The following SH3BP2 variants were observed in gnomAD, a reference collection of about 807,000 sequenced individuals.
The protein encoded by SH3BP2 is SH3 domain binding protein 2.
A neutral mutation model predicts 56.2 loss-of-function variants in SH3BP2; 38 were observed. The observed-to-expected ratio is 0.68, with a 90% CI of 0.52 to 0.89. The LOEUF (loss-of-function observed/expected upper bound fraction) is 0.89, where lower values mean the gene tolerates loss of function less well. Ranked by LOEUF, SH3BP2 falls within the 40% of genes least tolerant of loss-of-function variation. The probability of loss-of-function intolerance (pLI) is 0.00; values close to 1 mark genes in which losing one functional copy is unlikely to be tolerated. For missense variants in SH3BP2, 748 were observed against 762.6 expected, an observed-to-expected ratio of 0.98 and a Z score of 0.23; for synonymous variants, 346 against 316.7, an observed-to-expected ratio of 1.09 and a Z score of -0.98.
rs774063467 is a variant in SH3BP2 at position 2,831,405 on chromosome 4, C to T, written c.1242-166C>T. On this transcript the variant is annotated intron_variant, in intron 8 of 12. Coordinates refer to ENST00000503393, the MANE Select transcript of SH3BP2 (RefSeq NM_001122681.2). The surrounding 1 kb of genome is among the most constrained non-coding windows in gnomAD (Gnocchi z 4.1). ...TCCTGCTGTCCCAGGGCAGTCGGCA[C>T]GAGCCCTACCCGGATCTCTGTTGTC... 2.6e-5 allele frequency among the ~76,000 whole-genome samples: 4 copies of T among 152,186 alleles called. No individual in the cohort carries two copies. The highest frequency in any genetic ancestry group is 4.4e-5 in the Non-Finnish European group (3 of 68,028).
chr4:2,803,177 C>A (rs1322780117), intron 1 of SH3BP2, among the ~76,000 whole-genome samples: 1 of 152,216 alleles, frequency 6.6e-6, no homozygotes, highest in Non-Finnish European at 1.5e-5. Context: ...AAGGCCCACC[C>A]TGTAGGGCTT....
intron 2 of SH3BP2, 141 bp downstream of exon 2, chr4:2,820,894 A>C (rs924416956): frequency 2.1e-5 from 21 of 1,012,752 alleles, no homozygotes; most frequent in African/African-American, 3.2e-5. Flanking sequence ...GGTGGCTGGC[A>C]CCCCTGGAGA....
At chr4:2,801,320 G>A (rs758463909) in intron 1 of SH3BP2, among the ~76,000 whole-genome samples, 10 of 152,200 alleles carry the variant, frequency 6.6e-5, no homozygotes, top group Admixed American at 1.3e-4. Context: ...AGGAGCCAGC[G>A]GGCATGAGTC....
intron 1 of SH3BP2, among the ~76,000 whole-genome samples, chr4:2,808,114 C>CTT (rs1723605800): frequency 6.6e-6 from 1 of 151,384 alleles, no homozygotes; most frequent in African/African-American, 2.4e-5. Context: ...GAAATTTACT[C>CTT]TCATGATTCT....
At chr4:2,820,080 C>T (rs1273175296) in intron 1 of SH3BP2, among the ~76,000 whole-genome samples, 4 of 152,202 alleles carry the variant, frequency 2.6e-5, no homozygotes, top group African/African-American at 7.2e-5. Context: ...TGGGTGTCCA[C>T]TCTGTCCTCC....
intron 1 of SH3BP2, among the ~76,000 whole-genome samples, chr4:2,796,144 T>C (rs1402434368): frequency 6.6e-6 from 1 of 152,144 alleles, no homozygotes; most frequent in East Asian, 1.9e-4. Context: ...GACCCTCAGT[T>C]TCCTGATCTG....
In SH3BP2 at chr4:2,825,152, G is replaced by A; in HGVS notation, c.384G>A (p.Glu128=). 6.3e-7 allele frequency: 1 copy of A among 1,582,424 alleles called. No individual in the cohort carries two copies. Among genetic ancestry groups the A allele is most frequent in the African/African-American group, 1.3e-5 (1 of 74,154 alleles). Residue 128 remains glutamate (E), a synonymous_variant, in exon 5 of 13, where the codon GAG becomes GAA. Transcript: ENST00000503393. ...GCTGGATGGCCTTGCTGCGCAGGGA[G>A]ATTGGCCACTTCCACGAAAAGAAAG... The part of the protein sequence containing the change: ...RKSWMALLRR[E]IGHFHEKKDL...
Position 2,829,831 on chromosome 4 carries a change from A to G in SH3BP2, c.925A>G (p.Thr309Ala). The G allele has an allele frequency of 1.2e-6, 2 of 1,613,174 alleles. No homozygotes were observed. Among genetic ancestry groups the G allele is most frequent in the Non-Finnish European group, 1.7e-6 (2 of 1,179,874 alleles). ...ESASPSPEPW[T>A]PGHGACSTSS... Reference sequence around the variant, plus strand: ...TGCCAGCCCCAGCCCGGAGCCCTGGACCCCTGGCCACGGGGCCTGCTCCAC... The same window carrying G: ...TGCCAGCCCCAGCCCGGAGCCCTGGGCCCCTGGCCACGGGGCCTGCTCCAC... The change falls in exon 8 of 13, where the codon ACC becomes GCC. Residue 309 changes from threonine (T) to alanine (A), a missense_variant. By Grantham distance (58) the Thr-to-Ala change is moderately conservative (BLOSUM62 0). This residue lies in a region of SH3BP2 where 635 missense variants were observed against 615.0 expected (regional missense o/e 1.03). Coordinates refer to ENST00000503393, the MANE Select transcript of SH3BP2 (RefSeq NM_001122681.2). This position sits in a 1 kb window ranked among gnomAD's most constrained non-coding sequence, Gnocchi z 4.9.
chr4:2,824,595 CT>C lies in SH3BP2; in HGVS notation c.240-17del. 6.2e-7 allele frequency: 1 copy of C among 1,602,790 alleles called. No individual in the cohort carries two copies. Among genetic ancestry groups the C allele is most frequent in the Non-Finnish European group, 8.5e-7 (1 of 1,171,176 alleles). On this transcript the variant is annotated splice_polypyrimidine_tract_variant and intron_variant, in intron 3 of 12. Coordinates refer to ENST00000503393, the MANE Select transcript of SH3BP2 (RefSeq NM_001122681.2). ...ATAGCTGTGAACCAGGCCGTGACCCCTGGCGCTGTGCCCCCAGGGTGATGCG... is the reference window on the plus strand; with the variant it reads ...ATAGCTGTGAACCAGGCCGTGACCCCGGCGCTGTGCCCCCAGGGTGATGCG...
chr4:2,824,204 C>T (rs954492986), intron 3 of SH3BP2, among the ~76,000 whole-genome samples: 7 of 152,212 alleles, frequency 4.6e-5, no homozygotes, highest in African/African-American at 1.4e-4. Context: ...AGGCACGAGT[C>T]ATTCCCTGAA....
chr4:2,799,334 G>A, intron 1 of SH3BP2: 10 of 982,996 alleles, frequency 1.0e-5, no homozygotes, highest in East Asian at 1.1e-4. Flanking sequence ...TGTGTAAAGT[G>A]GAGGGAGGGG....
intron 1 of SH3BP2, among the ~76,000 whole-genome samples, chr4:2,801,154 C>T (rs568532648): frequency 2.0e-5 from 3 of 152,310 alleles, no homozygotes; most frequent in Admixed American, 1.3e-4. Context: ...AGAGAGGCTG[C>T]GGCAGAGGCT....
Position 2,839,754 on chromosome 4 carries a change from G to T in SH3BP2, c.*5920G>T, listed in dbSNP as rs1277465065. The stretch of plus-strand genomic sequence containing the variant: ...AGATAATTTTTTTTTTTTTTTTAGA[G>T]ATAGGATCTTACTATGCCCCAGCTG... On this transcript the variant is annotated 3_prime_UTR_variant, in exon 13 of 13. Coordinates refer to ENST00000503393, the MANE Select transcript of SH3BP2 (RefSeq NM_001122681.2). The T allele has an allele frequency of 6.7e-6, 1 of 149,368 alleles. No homozygotes were observed. 9.3% of individuals were successfully genotyped at this position (149,368 alleles called of 1,614,324 possible).
Position 2,820,608 on chromosome 4 carries a change from T to C in SH3BP2, c.-4-6T>C. The stretch of plus-strand genomic sequence containing the variant: ...CTGAGCCACGTGCCTTTGTCCTTTA[T>C]TGCAGCTTCATGGCGGCTGAAGAGA... On this transcript the variant is annotated splice_polypyrimidine_tract_variant and splice_region_variant and intron_variant, in intron 1 of 12. Coordinates refer to ENST00000503393, the MANE Select transcript of SH3BP2 (RefSeq NM_001122681.2). The C allele has an allele frequency of 2.5e-6, 4 of 1,614,170 alleles. No individual in the cohort carries two copies. The highest frequency in any genetic ancestry group is 3.4e-6 in the Non-Finnish European group (4 of 1,179,988).
At chr4:2,805,153 T>C (rs1406433693) in intron 1 of SH3BP2, among the ~76,000 whole-genome samples, 2 of 152,188 alleles carry the variant, frequency 1.3e-5, no homozygotes, top group African/African-American at 2.4e-5. Flanking sequence ...CTGCTTCTGC[T>C]TCCTCTAGAT....
At chr4:2,812,587 C>T (rs892090250) in intron 1 of SH3BP2, 21 of 1,361,944 alleles carry the variant, frequency 1.5e-5, no homozygotes, top group Admixed American at 9.9e-5. Flanking sequence ...CGGGGCTGGC[C>T]GTGGGAGCCC....
Position 2,830,092 on chromosome 4 carries a change from A to G in SH3BP2, c.1186A>G (p.Met396Val), listed in dbSNP as rs1724900953. 4 of 1,608,404 alleles carry G rather than the reference A, an allele frequency of 2.5e-6. No homozygotes were observed. Among genetic ancestry groups the G allele is most frequent in the Non-Finnish European group, 3.4e-6 (4 of 1,179,220 alleles). The part of the protein sequence containing the change: ...PALKLPVPEA[M>V]ARPAVLPRPE... The stretch of plus-strand genomic sequence containing the variant: ...GCTGAAGCTGCCAGTGCCTGAGGCC[A>G]TGGCGCGGCCCGCAGTCCTGCCCAG... Residue 396 changes from methionine (M) to valine (V), a missense_variant, in exon 8 of 13, where the codon ATG (methionine) becomes GTG (valine). This residue lies in a region of SH3BP2 where 635 missense variants were observed against 615.0 expected (regional missense o/e 1.03). Transcript: ENST00000503393.
In SH3BP2 at chr4:2,837,185, TG is replaced by T. The variant is rs1725263585; in HGVS notation, c.*3352del. 6.6e-6 allele frequency: 1 copy of T among 152,244 alleles called. No homozygotes were observed. The highest frequency in any genetic ancestry group is 2.1e-4 in the South Asian group (1 of 4,836). 9.4% of individuals were successfully genotyped at this position (152,244 alleles called of 1,614,324 possible). A position where few individuals can be genotyped will look rare whatever the true frequency, so the allele number is the denominator to read the frequency against. Reference sequence around the variant, plus strand: ...CCTCCCATGTAGCTGGGATTACAGCTGCCTGCCAAATTTTTGTATTTTTAGT... The same window carrying T: ...CCTCCCATGTAGCTGGGATTACAGCTCCTGCCAAATTTTTGTATTTTTAGT... On this transcript the variant is annotated 3_prime_UTR_variant, in exon 13 of 13. Transcript: ENST00000503393.
Position 2,833,786 on chromosome 4 carries a change from C to A in SH3BP2, c.1638C>A (p.His546Gln). The A allele has an allele frequency of 1.9e-6, 3 of 1,597,294 alleles. No homozygotes were observed. The highest frequency in any genetic ancestry group is 2.6e-6 in the Non-Finnish European group (3 of 1,171,898). Reference sequence around the variant, plus strand: ...ACCACACCCACGTGCTGCCCAGCCACCAGAGCCTGCTGCTGCGGCACCCCT... The same window carrying A: ...ACCACACCCACGTGCTGCCCAGCCAACAGAGCCTGCTGCTGCGGCACCCCT... ...EHYHTHVLPS[H>Q]QSLLLRHPYG... Residue 546 changes from histidine (H) to glutamine (Q), a missense_variant, in exon 13 of 13, where the codon CAC becomes CAA. His to Gln is a conservative substitution (Grantham distance 24). This residue lies in a region of SH3BP2 where 635 missense variants were observed against 615.0 expected (regional missense o/e 1.03). Transcript: ENST00000503393.
Sources: allele counts gnomAD v4.1 joint callset (sites outside exome capture counted in the v4.1 genomes callset), GRCh38; gene constraint gnomAD v4.1.1; regional missense constraint gnomAD v4.1.1; non-coding constraint Gnocchi (gnomAD v3.1); transcripts MANE v1.5; gene names NCBI Gene and HGNC (gene_info 2026-07-23, HGNC 2026-07-21).